The following ACER3 variants were observed in gnomAD, a reference collection of about 807,000 sequenced individuals.
ACER3 encodes the protein alkCDase 3.
Under a neutral mutation model 48.9 loss-of-function variants are expected in ACER3, and 16 were observed. That is an observed-to-expected ratio of 0.33 (90% confidence interval 0.22 to 0.50). The LOEUF (loss-of-function observed/expected upper bound fraction) is 0.50, where lower values mean the gene tolerates loss of function less well. Among genes scored for constraint, ACER3 ranks in the 20% least tolerant of loss-of-function variants. ACER3 has a pLI of 0.98. For missense variants in ACER3, 227 were observed against 326.0 expected, an observed-to-expected ratio of 0.70 and a Z score of 2.34; for synonymous variants, 109 against 107.8, an observed-to-expected ratio of 1.01 and a Z score of -0.07.
Position 76,936,947 on chromosome 11 carries a change from C to G in ACER3, c.214+10280C>G, listed in dbSNP as rs547097181. Among the ~76,000 whole-genome samples, 28 of 152,178 alleles carry G rather than the reference C, an allele frequency of 1.8e-4. No homozygotes were observed. The South Asian group carries it at 5.6e-3, about 30-fold the overall frequency. On this transcript the variant is annotated intron_variant, in intron 2 of 10. Coordinates refer to ENST00000532485, the MANE Select transcript of ACER3 (RefSeq NM_018367.7). ...GGCCAGGCTGATCTTGAACTCCTGA[C>G]CTCAAGTGATCTGCCCACCTCAGCT...
intron 2 of ACER3, among the ~76,000 whole-genome samples, chr11:76,950,588 T>C (rs1218102603): frequency 2.7e-5 from 4 of 150,872 alleles, no homozygotes; most frequent in Non-Finnish European, 4.4e-5. Context: ...CAGCCTCCCT[T>C]GTAGCTGGGA....
chr11:76,952,122 AATATTAT>A (rs1461272624), intron 2 of ACER3, among the ~76,000 whole-genome samples: 4 of 119,340 alleles, frequency 3.4e-5, no homozygotes, highest in Non-Finnish European at 7.3e-5. Flanking sequence ...GTTCAGAAAA[AATATTAT>A]ATATATATAT....
intron 2 of ACER3, chr11:76,957,474 C>T (rs1369945380): frequency 6.6e-6 from 3 of 451,218 alleles, no homozygotes; most frequent in South Asian, 1.6e-5. Context: ...GATGGAGTCT[C>T]ACTCTGTCGC....
rs1332874842 is a variant in ACER3 at position 76,926,611 on chromosome 11, A to C, written c.158A>C (p.Gln53Pro). Residue 53 changes from glutamine to proline, a missense_variant, in exon 2 of 11, where the codon CAG becomes CCG. Physicochemically the swap from Gln to Pro is moderately conservative, Grantham distance 76 (BLOSUM62 -1). This residue lies in a region of ACER3 where 195 missense variants were observed against 290.8 expected (regional missense o/e 0.67). Transcript: ENST00000532485. ...MIIPPMFGAV[Q>P]SVRDGLEKRY... ...ATACCTCCAATGTTCGGTGCAGTTCAGAGTGTTAGAGACGGTCTGGAAAAG... is the reference window on the plus strand; with the variant it reads ...ATACCTCCAATGTTCGGTGCAGTTCCGAGTGTTAGAGACGGTCTGGAAAAG... 6.2e-7 allele frequency: 1 copy of C among 1,608,722 alleles called. No individual in the cohort carries two copies. Among genetic ancestry groups the C allele is most frequent in the Non-Finnish European group, 8.5e-7 (1 of 1,175,372 alleles).
rs986073105 is a variant in ACER3, at chr11:76,970,096, A to G, written c.268-6193A>G. 1.5e-3 allele frequency among the ~76,000 whole-genome samples: 223 copies of G among 152,210 alleles called. 1 individual carries two copies. The highest frequency in any genetic ancestry group is 5.2e-3 in the African/African-American group (218 of 41,540). On this transcript the variant is annotated intron_variant, in intron 3 of 10. Transcript: ENST00000532485. ...GTTTATTGGCACAGTCTGTTTTGTC[A>G]GTCTTATGATCTCTATTTTAACCTT...
At chr11:76,966,858 A>G (rs1316673859) in intron 3 of ACER3, among the ~76,000 whole-genome samples, 3 of 151,382 alleles carry the variant, frequency 2.0e-5, no homozygotes, top group Non-Finnish European at 4.4e-5. Flanking sequence ...GAAAGCAGGA[A>G]AGATCTACAA....
chr11:76,946,767 A>C (rs1393240332), intron 2 of ACER3, among the ~76,000 whole-genome samples: 1 of 152,178 alleles, frequency 6.6e-6, no homozygotes, highest in East Asian at 1.9e-4. Flanking sequence ...TCACAATGGC[A>C]TTTAGCCAAC....
chr11:77,020,264 C>A lies in ACER3; in HGVS notation c.751-10C>A. 6.2e-7 allele frequency: 1 copy of A among 1,613,238 alleles called. No homozygotes were observed. Among genetic ancestry groups the A allele is most frequent in the South Asian group, 1.1e-5 (1 of 91,018 alleles). ...CTTTTCTCATTTTGTCCTAATTTGT[C>A]CCCAAACAGTTTCTCTTTGGAATCT... is the stretch of plus-strand genomic sequence containing the variant. On this transcript the variant is annotated splice_polypyrimidine_tract_variant and intron_variant, in intron 10 of 10. Coordinates refer to ENST00000532485, the MANE Select transcript of ACER3 (RefSeq NM_018367.7).
chr11:76,867,468 CAAAAAAAAAAAAAA>C (rs1156610809), intron 1 of ACER3, among the ~76,000 whole-genome samples: 11 of 19,662 alleles, frequency 5.6e-4, no homozygotes, highest in African/African-American at 1.3e-3. Flanking sequence ...GACTCTGTCT[CAAAAAAAAAAAAAA>C]AAAAAAAAAA....
intron 1 of ACER3, among the ~76,000 whole-genome samples, chr11:76,899,480 T>C (rs1228186348): frequency 1.3e-5 from 2 of 152,222 alleles, no homozygotes; most frequent in Non-Finnish European, 1.5e-5. Context: ...GTCAAATATA[T>C]GCCTTTCTTC....
intron 9 of ACER3, among the ~76,000 whole-genome samples, chr11:77,017,963 G>A (rs1178145723): frequency 2.1e-5 from 1 of 46,962 alleles, no homozygotes; most frequent in Non-Finnish European, 4.4e-5. Context: ...TTTTTTTTTT[G>A]GGAGACAGAG....
intron 1 of ACER3, among the ~76,000 whole-genome samples, chr11:76,863,908 A>G (rs569948439): frequency 3.9e-5 from 6 of 152,300 alleles, no homozygotes; most frequent in African/African-American, 1.4e-4. Flanking sequence ...TATCCATGTT[A>G]CCTCTCCATC....
At chr11:76,980,024 G>A (rs1047457042) in intron 4 of ACER3, among the ~76,000 whole-genome samples, 1 of 152,020 alleles carries the variant, frequency 6.6e-6, no homozygotes, top group Non-Finnish European at 1.5e-5. Flanking sequence ...TGTAATTTCA[G>A]CTACTTGGGA....
chr11:76,940,255 A>G (rs904014861), intron 2 of ACER3, among the ~76,000 whole-genome samples: 7 of 152,050 alleles, frequency 4.6e-5, no homozygotes, highest in African/African-American at 1.7e-4. Flanking sequence ...AAGTGCTAGG[A>G]TTACAGGCAT....
intron 3 of ACER3, among the ~76,000 whole-genome samples, chr11:76,963,365 A>G (rs182018536): frequency 1.3e-5 from 2 of 151,596 alleles, no homozygotes; most frequent in Non-Finnish European, 2.9e-5. Flanking sequence ...TTCTTGTGAA[A>G]GCTTTTCAAT....
chr11:76,988,717 C>T (rs774231712), intron 5 of ACER3, among the ~76,000 whole-genome samples: 2 of 152,064 alleles, frequency 1.3e-5, no homozygotes, highest in Non-Finnish European at 1.5e-5. Flanking sequence ...ATTGGTTAAT[C>T]GTGAAAGAAT....
At chr11:76,873,427 T>G (rs1945294619) in intron 1 of ACER3, among the ~76,000 whole-genome samples, 1 of 152,246 alleles carries the variant, frequency 6.6e-6, no homozygotes, top group African/African-American at 2.4e-5. Flanking sequence ...CAAACCAAGT[T>G]AGGTGTTGAT....
chr11:76,970,668 TGTAG>T (rs1948273996), intron 3 of ACER3, among the ~76,000 whole-genome samples: 1 of 152,214 alleles, frequency 6.6e-6, no homozygotes, highest in Non-Finnish European at 1.5e-5. Context: ...ATTGTGGATA[TGTAG>T]GTGAGTTTTT....
At chr11:77,003,906 A>T (rs921913128) in intron 7 of ACER3, among the ~76,000 whole-genome samples, 4 of 152,084 alleles carry the variant, frequency 2.6e-5, no homozygotes, top group Non-Finnish European at 4.4e-5. Context: ...CAGAGAACAC[A>T]CTCTGCATGA....
Sources: allele counts gnomAD v4.1 joint callset (sites outside exome capture counted in the v4.1 genomes callset), GRCh38; gene constraint gnomAD v4.1.1; regional missense constraint gnomAD v4.1.1; transcripts MANE v1.5; gene names NCBI Gene and HGNC (gene_info 2026-07-23, HGNC 2026-07-21).